TENM3: variants seen among roughly 807,000 people sequenced by gnomAD.
The protein encoded by TENM3 is teneurin transmembrane protein 3, also known as teneurin-3.
Under a neutral mutation model 255.1 loss-of-function variants are expected in TENM3, and 63 were observed. The observed-to-expected ratio is 0.25, with a 90% CI of 0.20 to 0.30. TENM3 has a LOEUF of 0.30. TENM3 is among the 10% of genes least tolerant of loss of function. TENM3 has a pLI of 1.00. For missense variants in TENM3, 2,929 were observed against 3,461.1 expected, an observed-to-expected ratio of 0.85 and a Z score of 3.86; for synonymous variants, 1,306 against 1,322.3, an observed-to-expected ratio of 0.99 and a Z score of 0.27.
chr4:182,626,050 A>G (rs1188587738), intron 4 of TENM3, among the ~76,000 whole-genome samples: 1 of 152,242 alleles, frequency 6.6e-6, no homozygotes, highest in Non-Finnish European at 1.5e-5. Context: ...AATGTCTACA[A>G]AAAAGTGTTA....
chr4:182,700,945 T>C (rs1467376218), intron 12 of TENM3, among the ~76,000 whole-genome samples: 1 of 152,110 alleles, frequency 6.6e-6, no homozygotes, highest in Non-Finnish European at 1.5e-5. Context: ...ACTTTAAGCA[T>C]GGGTGGGTAA....
the TENM3 span, among the ~76,000 whole-genome samples, chr4:181,812,271 T>G: frequency 6.6e-6 from 1 of 152,206 alleles, no homozygotes; most frequent in Non-Finnish European, 1.5e-5. Context: ...CTAACTAAAC[T>G]TTTTTCCTCC....
At chr4:181,911,903 G>C in the TENM3 span, among the ~76,000 whole-genome samples, 2 of 152,150 alleles carry the variant, frequency 1.3e-5, no homozygotes, top group African/African-American at 4.8e-5. Context: ...CAGTGGCTTA[G>C]AAATCAATTA....
At chr4:182,353,752 T>C (rs1372829715) in intron 3 of TENM3, among the ~76,000 whole-genome samples, 2 of 151,978 alleles carry the variant, frequency 1.3e-5, no homozygotes, top group African/African-American at 4.8e-5. Context: ...TGGATCACAA[T>C]GTCAGGAGTT....
the TENM3 span, among the ~76,000 whole-genome samples, chr4:181,539,172 T>C: frequency 1.3e-5 from 2 of 152,216 alleles, no homozygotes; most frequent in Non-Finnish European, 2.9e-5. Flanking sequence ...TTCTTCAGCA[T>C]TGGAAGAACC....
In TENM3 at chr4:182,773,622, C is replaced by T. The variant is rs372529274; in HGVS notation, c.5043C>T (p.Ile1681=). ...GCATCACTTCAAATCTGTCCTCGAT[C>T]GATTCTTTCTACACCATGGTTCAAG... ...DVSITSNLSS[I]DSFYTMVQDQ... The change falls in exon 23 of 28, where the codon ATC becomes ATT. Residue 1681 remains isoleucine (I), a synonymous_variant. Transcript: ENST00000511685. The T allele has an allele frequency of 1.8e-4, 297 of 1,612,710 alleles. No individual in the cohort carries two copies. The highest frequency in any genetic ancestry group is 2.7e-4 in the African/African-American group (20 of 74,984).
intron 1 of TENM3, among the ~76,000 whole-genome samples, chr4:182,254,706 A>T (rs192168781): frequency 3.9e-5 from 6 of 152,278 alleles, no homozygotes; most frequent in Admixed American, 3.3e-4. Context: ...TTCTTTGGTC[A>T]TAACCTATTA....
At chr4:182,011,335 G>C in the TENM3 span, among the ~76,000 whole-genome samples, 1 of 152,044 alleles carries the variant, frequency 6.6e-6, no homozygotes, top group South Asian at 2.1e-4. Flanking sequence ...TTACACCCCT[G>C]TCTCTTTCAT....
At chr4:182,070,660 G>A in the TENM3 span, among the ~76,000 whole-genome samples, 2 of 152,198 alleles carry the variant, frequency 1.3e-5, no homozygotes, top group South Asian at 2.1e-4. Context: ...AACATAGAAT[G>A]GGAGAGTAAA....
chr4:182,620,919 C>A (rs975987468), intron 4 of TENM3, among the ~76,000 whole-genome samples: 7 of 152,208 alleles, frequency 4.6e-5, no homozygotes, highest in African/African-American at 1.4e-4. Flanking sequence ...TTTTATCACG[C>A]CTGTAATCCC....
chr4:181,510,092 T>A, the TENM3 span, among the ~76,000 whole-genome samples: 11 of 152,346 alleles, frequency 7.2e-5, no homozygotes, highest in African/African-American at 2.6e-4. Flanking sequence ...TATAAATGTC[T>A]TACGTGGGTG....
chr4:181,640,790 C>T, the TENM3 span, among the ~76,000 whole-genome samples: 1 of 152,158 alleles, frequency 6.6e-6, no homozygotes, highest in Admixed American at 6.5e-5. Context: ...CTCTACCAGG[C>T]CACCAGGTTG....
chr4:181,467,117 A>T, the TENM3 span, among the ~76,000 whole-genome samples: 1 of 30,554 alleles, frequency 3.3e-5, no homozygotes, highest in Non-Finnish European at 7.0e-5. Context: ...ATATATATAT[A>T]TATATATATT....
chr4:182,352,100 C>T (rs777682932), intron 3 of TENM3, among the ~76,000 whole-genome samples: 20 of 151,422 alleles, frequency 1.3e-4, no homozygotes, highest in Non-Finnish European at 2.8e-4. Flanking sequence ...CTCCTCCCCT[C>T]CCCCACTCCT....
chr4:181,702,876 T>C, the TENM3 span, among the ~76,000 whole-genome samples: 5 of 152,146 alleles, frequency 3.3e-5, no homozygotes, highest in African/African-American at 4.8e-5. Flanking sequence ...ATTTAGCATC[T>C]AATGAAACTG....
At chr4:182,713,210 C>T (rs899237846) in intron 12 of TENM3, among the ~76,000 whole-genome samples, 1 of 152,168 alleles carries the variant, frequency 6.6e-6, no homozygotes, top group East Asian at 1.9e-4. Context: ...GGGAGATTGT[C>T]ACAAAATATC....
chr4:181,503,779 T>C, the TENM3 span, among the ~76,000 whole-genome samples: 2 of 152,172 alleles, frequency 1.3e-5, no homozygotes, highest in Non-Finnish European at 2.9e-5. Context: ...CTCATGCCAG[T>C]GGTTCTCAGC....
chr4:181,725,718 A>C, the TENM3 span, among the ~76,000 whole-genome samples: 14 of 152,154 alleles, frequency 9.2e-5, no homozygotes, highest in Non-Finnish European at 1.8e-4. Context: ...CAGGGATTAC[A>C]GGCGTGAACC....
the TENM3 span, among the ~76,000 whole-genome samples, chr4:181,694,084 C>T: frequency 6.6e-6 from 1 of 152,254 alleles, no homozygotes; most frequent in Non-Finnish European, 1.5e-5. Flanking sequence ...TAGAGTATTA[C>T]ATGAGATTAT....
Sources: allele counts gnomAD v4.1 joint callset (sites outside exome capture counted in the v4.1 genomes callset), GRCh38; gene constraint gnomAD v4.1.1; transcripts MANE v1.5; gene names NCBI Gene and HGNC (gene_info 2026-07-23, HGNC 2026-07-21).